ABCA12: variants seen among roughly 807,000 people sequenced by gnomAD.
ABCA12 encodes glucosylceramide transporter ABCA12.
In ABCA12, 156 loss-of-function variants were observed where a neutral mutation model predicts 293.5. The ratio of observed to expected loss-of-function variants is 0.53; its 90% confidence interval spans 0.47 to 0.61. The LOEUF (loss-of-function observed/expected upper bound fraction) is 0.61. ABCA12 is among the 20% of genes least tolerant of loss of function. ABCA12 has a pLI of 0.00. For missense variants in ABCA12, 2,797 were observed against 3,090.2 expected (o/e 0.91, Z 2.25); for synonymous variants, 1,063 against 1,108.0 (o/e 0.96, Z 0.81).
At position 214,958,140 on chromosome 2, in the gene ABCA12, C is replaced by A. The variant is rs1178623900; in HGVS notation, c.6117+137G>T. On this transcript the variant is annotated intron_variant, in intron 41 of 52. Coordinates refer to ENST00000272895, the MANE Select transcript of ABCA12 (RefSeq NM_173076.3). ...CCACTGGATGAAGATAAGCCTGACT[C>A]AAGTCATTTTCTTTATTTCCTGTCT... 3 of 1,194,398 alleles carry A rather than the reference C, an allele frequency of 2.5e-6. No individual in the cohort carries two copies. In the African/African-American group the frequency reaches 4.5e-5, roughly 18 times the overall value. The allele number at this position is 1,194,398 out of a possible 1,614,324, so 74.0% of individuals were successfully genotyped here. A position where few individuals can be genotyped will look rare whatever the true frequency, so the allele number is the denominator to read the frequency against.
At chr2:214,938,635 T>TAA (rs1698299034) in intron 50 of ABCA12, among the ~76,000 whole-genome samples, 1 of 152,224 alleles carries the variant, frequency 6.6e-6, no homozygotes, top group East Asian at 1.9e-4. Flanking sequence ...TGTTGTTTCC[T>TAA]AACTTTTTAA....
At chr2:214,933,825 C>T (rs1698137701) in intron 52 of ABCA12, among the ~76,000 whole-genome samples, 1 of 151,754 alleles carries the variant, frequency 6.6e-6, no homozygotes, top group Non-Finnish European at 1.5e-5. Flanking sequence ...GGGTTTTTTT[C>T]TTTATGTATA....
chr2:215,077,926 A>G (rs1407949550), intron 2 of ABCA12, among the ~76,000 whole-genome samples: 1 of 152,178 alleles, frequency 6.6e-6, no homozygotes, highest in Non-Finnish European at 1.5e-5. Context: ...CACACAAAAA[A>G]CGTAAAGCAC....
At chr2:215,088,161 G>A (rs146990183) in intron 2 of ABCA12, among the ~76,000 whole-genome samples, 74 of 152,302 alleles carry the variant, frequency 4.9e-4, no homozygotes, top group African/African-American at 1.7e-3. Flanking sequence ...CAGAGAAAAT[G>A]GCATGTACAG....
Position 215,007,896 on chromosome 2 carries a change from T to C in ABCA12, c.2473-50A>G, listed in dbSNP as rs765129083. The stretch of plus-strand genomic sequence containing the variant: ...GTGTGATCCATTAGTATTTTGTCTA[T>C]ATTTTAACAAGGTATCTTAAGATTG... On this transcript the variant is annotated intron_variant, in intron 18 of 52. Transcript: ENST00000272895. The C allele has an allele frequency of 6.2e-6, 10 of 1,609,174 alleles. No individual in the cohort carries two copies. The Admixed American group carries it at 1.5e-4, about 24-fold the overall frequency.
At chr2:215,007,206 T>G (rs916291328) in intron 19 of ABCA12, among the ~76,000 whole-genome samples, 30 of 152,164 alleles carry the variant, frequency 2.0e-4, no homozygotes, top group Non-Finnish European at 4.4e-5. Flanking sequence ...AACTTTTGCT[T>G]CCTTAAGTGG....
chr2:215,086,783 G>A (rs1046667229), intron 2 of ABCA12, among the ~76,000 whole-genome samples: 2 of 152,130 alleles, frequency 1.3e-5, no homozygotes, highest in Admixed American at 6.5e-5. Context: ...TTGTGTGACT[G>A]CTTTTGTGCA....
intron 6 of ABCA12, 63 bp from the exon 7 acceptor site, chr2:215,046,078 G>A (rs2106049153): frequency 1.3e-6 from 2 of 1,544,360 alleles, no homozygotes; most frequent in South Asian, 1.1e-5. Flanking sequence ...CACATGGTTT[G>A]CTGTTTTTAA....
chr2:214,977,015 GA>G (rs1256071738), intron 33 of ABCA12, among the ~76,000 whole-genome samples: 5 of 152,102 alleles, frequency 3.3e-5, no homozygotes, highest in African/African-American at 1.2e-4. Context: ...TAGCTGATAA[GA>G]AAAAATACAA....
intron 10 of ABCA12, 52 bp from the exon 11 acceptor site, chr2:215,025,831 G>T: frequency 7.4e-7 from 1 of 1,352,740 alleles, no homozygotes; most frequent in Non-Finnish European, 1.1e-6. Context: ...GGTCATTTAG[G>T]AAACCAGTTT....
At chr2:214,986,894 G>A (rs564948472) in intron 27 of ABCA12, among the ~76,000 whole-genome samples, 166 bp from the exon 28 acceptor site, 6 of 152,110 alleles carry the variant, frequency 3.9e-5, no homozygotes, top group Non-Finnish European at 5.9e-5. Context: ...CTCCTCACTT[G>A]GTTGCAGAAT....
chr2:215,042,641 G>A lies in ABCA12; in HGVS notation c.872+3196C>T, dbSNP rs115173364. On this transcript the variant is annotated intron_variant, in intron 7 of 52. Transcript: ENST00000272895. ...TTGGTACATGTATACAATGTGTAAA[G>A]CTCAAATTAGTATAATTAATGTATC... Among the ~76,000 whole-genome samples, 1,311 of 152,174 alleles carry A rather than the reference G, an allele frequency of 8.6e-3. 17 individuals are homozygous for A. The highest frequency in any genetic ancestry group is 0.03 in the African/African-American group (1,260 of 41,508).
At chr2:215,010,180 G>C (rs953971576) in intron 18 of ABCA12, 151 bp downstream of exon 18, 3 of 1,012,910 alleles carry the variant, frequency 3.0e-6, no homozygotes, top group Non-Finnish European at 4.4e-6. Context: ...GGCAGAAGTT[G>C]AGAATTTTAC....
intron 2 of ABCA12, among the ~76,000 whole-genome samples, chr2:215,100,641 C>A (rs554731842): frequency 6.6e-6 from 1 of 151,946 alleles, no homozygotes; most frequent in Non-Finnish European, 1.5e-5. Context: ...TATATTATGG[C>A]CCATAATCTA....
intron 23 of ABCA12, among the ~76,000 whole-genome samples, chr2:214,993,290 G>A (rs1559135806): frequency 6.6e-6 from 1 of 152,188 alleles, no homozygotes; most frequent in Non-Finnish European, 1.5e-5. Flanking sequence ...CCGTGGGAAT[G>A]GAAAATATGG....
intron 38 of ABCA12, among the ~76,000 whole-genome samples, chr2:214,967,306 C>A (rs1435083851): frequency 6.6e-6 from 1 of 151,926 alleles, no homozygotes; most frequent in Admixed American, 6.6e-5. Flanking sequence ...ATCCTGGCTG[C>A]CAATAATGGT....
chr2:215,093,994 C>T (rs1373206916), intron 2 of ABCA12, among the ~76,000 whole-genome samples: 5 of 152,216 alleles, frequency 3.3e-5, no homozygotes, highest in African/African-American at 9.7e-5. Flanking sequence ...CAAAGGCAGG[C>T]TATGCTATAG....
In ABCA12 at chr2:215,001,004, A is replaced by T. The variant is rs770686477; in HGVS notation, c.2880T>A (p.Leu960=). Residue 960 remains leucine (L), a synonymous_variant, in exon 22 of 53, where the codon CTT becomes CTA. Coordinates refer to ENST00000272895, the MANE Select transcript of ABCA12 (RefSeq NM_173076.3). Reference sequence around the variant, plus strand: ...CTCTGTGCCAGCTTCTGTTAGAAGGAAGCTTAAAAATAACACCTAAAAATA... The same window carrying T: ...CTCTGTGCCAGCTTCTGTTAGAAGGTAGCTTAAAAATAACACCTAAAAATA... The part of the protein sequence containing the change: ...NELFGSVIFK[L]PSNRSWHRGY... 1.2e-6 allele frequency: 2 copies of T among 1,613,996 alleles called. No individual in the cohort carries two copies. Among genetic ancestry groups the T allele is most frequent in the Non-Finnish European group, 1.7e-6 (2 of 1,179,938 alleles).
At chr2:215,020,292 G>GCACCCACA (rs1553534996) in intron 11 of ABCA12, among the ~76,000 whole-genome samples, 17 of 148,700 alleles carry the variant, frequency 1.1e-4, no homozygotes, top group Non-Finnish European at 1.2e-4. Context: ...GGGAATGTAT[G>GCACCCACA]CACACACACA....
Sources: allele counts gnomAD v4.1 joint callset (sites outside exome capture counted in the v4.1 genomes callset), GRCh38; gene constraint gnomAD v4.1.1; transcripts MANE v1.5; gene names NCBI Gene and HGNC (gene_info 2026-07-23, HGNC 2026-07-21).